RSPO3: variants seen among roughly 807,000 people sequenced by gnomAD.
RSPO3 encodes the protein R-spondin 3, also known as R-spondin-3.
A neutral mutation model predicts 36.5 loss-of-function variants in RSPO3; 17 were observed. That is an observed-to-expected ratio of 0.47 (90% confidence interval 0.32 to 0.70). The LOEUF (loss-of-function observed/expected upper bound fraction) is 0.70, where lower values mean the gene tolerates loss of function less well. RSPO3 is among the 30% of genes least tolerant of loss of function. The pLI is 0.04. For synonymous variants in RSPO3, 108 were observed against 107.0 expected (o/e 1.01, Z -0.06); for missense variants, 294 against 322.5 (o/e 0.91, Z 0.68).
Position 127,175,528 on chromosome 6 carries a change from G to A in RSPO3, c.634+20090G>A, listed in dbSNP as rs182349770. On this transcript the variant is annotated intron_variant, in intron 4 of 4. Transcript: ENST00000356698. The stretch of plus-strand genomic sequence containing the variant: ...CTGCCTGGTAACATCAATTTTGTTC[G>A]TATATGAGCATAAAGTACTGGAAAA... 2.2e-3 allele frequency among the ~76,000 whole-genome samples: 334 copies of A among 151,788 alleles called. 2 individuals carry two copies. The highest frequency in any genetic ancestry group is 1.6e-3 in the Non-Finnish European group (109 of 67,784).
intron 4 of RSPO3, among the ~76,000 whole-genome samples, chr6:127,187,670 A>C (rs137916730): frequency 1.3e-5 from 2 of 152,160 alleles, no homozygotes; most frequent in Non-Finnish European, 2.9e-5. Context: ...TTTATGATCT[A>C]TCCTAAGGTG....
rs1774089840 is a variant in RSPO3, at chr6:127,133,136, T to C, written c.97+13847T>C. Among the ~76,000 whole-genome samples the C allele has an allele frequency of 3.3e-5, 5 of 152,242 alleles. No homozygotes were observed. The South Asian group carries it at 1.0e-3, about 32-fold the overall frequency. ...AAACCATTTTAGAAAAAGTTCAATGTAAATAATGTTAAAACATATGCAATG... is the reference window on the plus strand; with the variant it reads ...AAACCATTTTAGAAAAAGTTCAATGCAAATAATGTTAAAACATATGCAATG... On this transcript the variant is annotated intron_variant, in intron 1 of 4. Transcript: ENST00000356698.
chr6:127,168,232 G>A (rs1032613496), intron 4 of RSPO3, among the ~76,000 whole-genome samples: 3 of 152,084 alleles, frequency 2.0e-5, no homozygotes, highest in African/African-American at 7.2e-5. Flanking sequence ...GTGTAAAAGT[G>A]TTCCTATTTC....
At chr6:127,147,850 G>C (rs1264142195) in intron 1 of RSPO3, among the ~76,000 whole-genome samples, 1 of 152,082 alleles carries the variant, frequency 6.6e-6, no homozygotes, top group Non-Finnish European at 1.5e-5. Flanking sequence ...CACAGAAACT[G>C]TAAGACTCCA....
At chr6:127,167,785 G>A (rs538059302) in intron 4 of RSPO3, among the ~76,000 whole-genome samples, 10 of 151,348 alleles carry the variant, frequency 6.6e-5, no homozygotes, top group African/African-American at 1.5e-4. Context: ...AACAGGCCCC[G>A]GTGTGTGATG....
intron 4 of RSPO3, among the ~76,000 whole-genome samples, chr6:127,178,302 G>A (rs896827374): frequency 6.6e-6 from 1 of 151,678 alleles, no homozygotes; most frequent in Non-Finnish European, 1.5e-5. Context: ...AACAGAATAT[G>A]TGTCTTGAAG....
intron 3 of RSPO3, among the ~76,000 whole-genome samples, chr6:127,154,913 T>A (rs1774562532): frequency 6.6e-6 from 1 of 152,146 alleles, no homozygotes; most frequent in Admixed American, 6.6e-5. Context: ...TCAGGATCAA[T>A]CAACAATTGC....
At chr6:127,195,690 T>A in intron 4 of RSPO3, 133 bp from the exon 5 acceptor site, 1 of 613,260 alleles carries the variant, frequency 1.6e-6, no homozygotes. Flanking sequence ...AGTTGAATGA[T>A]TGAAATAGTA....
intron 1 of RSPO3, among the ~76,000 whole-genome samples, chr6:127,145,872 T>C (rs896397200): frequency 1.3e-5 from 2 of 152,218 alleles, no homozygotes; most frequent in Admixed American, 6.6e-5. Context: ...CAAGATTTTA[T>C]GGCTGAAAGT....
intron 1 of RSPO3, among the ~76,000 whole-genome samples, chr6:127,144,256 T>C (rs1239154815): frequency 6.6e-6 from 1 of 152,180 alleles, no homozygotes; most frequent in East Asian, 1.9e-4. Context: ...CAATTTAAAG[T>C]TTCCATGAAT....
At chr6:127,135,761 TA>T (rs1355924369) in intron 1 of RSPO3, among the ~76,000 whole-genome samples, 1 of 151,850 alleles carries the variant, frequency 6.6e-6, no homozygotes, top group African/African-American at 2.4e-5. Context: ...ACCCTATCTG[TA>T]CAAAAAATAC....
chr6:127,170,971 A>G (rs1774923093), intron 4 of RSPO3, among the ~76,000 whole-genome samples: 1 of 151,732 alleles, frequency 6.6e-6, no homozygotes, highest in Admixed American at 6.6e-5. Flanking sequence ...ATGGCTATAC[A>G]ACAGTGTGAA....
chr6:127,145,981 G>A (rs1582793902), intron 1 of RSPO3, among the ~76,000 whole-genome samples: 1 of 152,004 alleles, frequency 6.6e-6, no homozygotes, highest in East Asian at 1.9e-4. Flanking sequence ...GTACTTAGTT[G>A]TGTAATACTG....
At chr6:127,119,317 C>T in intron 1 of RSPO3, 28 bp downstream of exon 1, 1 of 1,534,992 alleles carries the variant, frequency 6.5e-7, no homozygotes, top group Non-Finnish European at 9.0e-7. Context: ...TACGCGTTTG[C>T]TCCCTCCCGC....
rs1775532150 is a variant in RSPO3 at position 127,197,208 on chromosome 6, G to A, written c.*1201G>A. The A allele has an allele frequency of 1.9e-6, 1 of 526,678 alleles. No homozygotes were observed. The highest frequency in any genetic ancestry group is 3.3e-6 in the Non-Finnish European group (1 of 306,540). 32.6% of individuals were successfully genotyped at this position (526,678 alleles called of 1,614,324 possible). A position where few individuals can be genotyped will look rare whatever the true frequency, so the allele number is the denominator to read the frequency against. ...GTTTTTTGAATCCACCTTTATCTGA[G>A]CCAATGGAGATTTACTTATAGCGTA... On this transcript the variant is annotated 3_prime_UTR_variant, in exon 5 of 5. Transcript: ENST00000356698.
chr6:127,157,905 C>T (rs750743369), intron 4 of RSPO3, among the ~76,000 whole-genome samples: 14 of 151,676 alleles, frequency 9.2e-5, no homozygotes, highest in Non-Finnish European at 1.6e-4. Flanking sequence ...TGAACACAAA[C>T]CAAATAGAAA....
Position 127,198,427 on chromosome 6 carries a change from T to A in RSPO3, c.*2420T>A, listed in dbSNP as rs1775556914. On this transcript the variant is annotated 3_prime_UTR_variant, in exon 5 of 5. Transcript: ENST00000356698. ...TTCAAACCAGCAGCCTTCTCAAATT[T>A]GAGCAAAAACTCTATCAACCTCTGG... Among the ~76,000 whole-genome samples, 1 of 152,184 alleles carries A rather than the reference T, an allele frequency of 6.6e-6. No individual in the cohort carries two copies. The highest frequency in any genetic ancestry group is 1.5e-5 in the Non-Finnish European group (1 of 68,036).
chr6:127,134,688 T>G (rs1774118790), intron 1 of RSPO3, among the ~76,000 whole-genome samples: 1 of 152,222 alleles, frequency 6.6e-6, no homozygotes, highest in Non-Finnish European at 1.5e-5. Context: ...TTTCGGTATG[T>G]GATCACTGAC....
At chr6:127,170,684 G>T (rs1291023752) in intron 4 of RSPO3, among the ~76,000 whole-genome samples, 6 of 151,668 alleles carry the variant, frequency 4.0e-5, no homozygotes, top group Admixed American at 3.3e-4. Flanking sequence ...CATACAATGA[G>T]ATATTATTGT....
Sources: allele counts gnomAD v4.1 joint callset (sites outside exome capture counted in the v4.1 genomes callset), GRCh38; gene constraint gnomAD v4.1.1; transcripts MANE v1.5; gene names NCBI Gene and HGNC (gene_info 2026-07-23, HGNC 2026-07-21).